The following ABCC4 variants were observed in gnomAD, a reference collection of about 807,000 sequenced individuals.
ABCC4 encodes the protein ATP binding cassette subfamily C member 4 (PEL blood group), also known as ATP-binding cassette sub-family C member 4.
ABCC4 carries 102 observed loss-of-function variants against 168.5 expected under a neutral mutation model. The ratio of observed to expected loss-of-function variants is 0.61; its 90% confidence interval spans 0.52 to 0.71. The LOEUF (loss-of-function observed/expected upper bound fraction) is 0.71, where lower values mean the gene tolerates loss of function less well. ABCC4 is among the 30% of genes least tolerant of loss of function. The probability of loss-of-function intolerance (pLI) is 0.00; values close to 1 mark genes in which losing one functional copy is unlikely to be tolerated. For missense variants in ABCC4, 1,402 were observed against 1,605.8 expected (o/e 0.87, Z 2.17); for synonymous variants, 617 against 590.7 (o/e 1.04, Z -0.65).
At chr13:95,099,837 G>A (rs2034735033) in intron 20 of ABCC4, among the ~76,000 whole-genome samples, 1 of 152,146 alleles carries the variant, frequency 6.6e-6, no homozygotes, top group African/African-American at 2.4e-5. Flanking sequence ...AAGAAAACAA[G>A]TGAGTCACAA....
At chr13:95,247,129 G>A in intron 2 of ABCC4, 34 bp from the exon 3 acceptor site, 1 of 1,600,024 alleles carries the variant, frequency 6.2e-7, no homozygotes. Context: ...AAATAAGAGT[G>A]AACCCTGCCA....
intron 3 of ABCC4, among the ~76,000 whole-genome samples, chr13:95,245,105 C>T (rs4148445): frequency 0.9 from 136,982 of 152,202 alleles, 61,768 homozygotes; most frequent in African/African-American, 0.93. Flanking sequence ...CCAAATCTCA[C>T]TGTAGTCCAG....
intron 1 of ABCC4, among the ~76,000 whole-genome samples, chr13:95,250,404 C>A (rs1266482738): frequency 6.6e-6 from 1 of 152,084 alleles, no homozygotes; most frequent in Non-Finnish European, 1.5e-5. Flanking sequence ...ATTTGGAATC[C>A]CCATTATGCC....
chr13:95,036,264 G>A (rs1368623165), intron 29 of ABCC4, among the ~76,000 whole-genome samples: 1 of 152,146 alleles, frequency 6.6e-6, no homozygotes, highest in Non-Finnish European at 1.5e-5. Flanking sequence ...GTCTGCAAAA[G>A]CAACAAGTAA....
At position 95,196,709 on chromosome 13, in the gene ABCC4, GAAGGAAGGAAGGAAGGAAGGAAGA is replaced by G. The variant is rs2038460861; in HGVS notation, c.1162-1796_1162-1773del. Reference sequence around the variant, plus strand: ...GGAAGGAAGGAAGGAAGGAAGGAAGGAAGGAAGGAAGGAAGGAAGGAAGAAGGGAGGGAGGGAAGGAAGGAAAGA... The same window carrying G: ...GGAAGGAAGGAAGGAAGGAAGGAAGGAGGGAGGGAGGGAAGGAAGGAAAGA... On this transcript the variant is annotated intron_variant, in intron 8 of 30. Transcript: ENST00000645237. Among the ~76,000 whole-genome samples the G allele has an allele frequency of 3.1e-5, 3 of 95,850 alleles. 1 individual carries two copies. The highest frequency in any genetic ancestry group is 1.0e-4 in the African/African-American group (3 of 30,026). 62.9% of individuals were successfully genotyped at this position (95,850 alleles called of 152,430 possible). A position where few individuals can be genotyped will look rare whatever the true frequency, so the allele number is the denominator to read the frequency against.
intron 19 of ABCC4, among the ~76,000 whole-genome samples, chr13:95,157,102 A>ACACACACACACACT (rs1389711194): frequency 3.4e-5 from 5 of 146,970 alleles, no homozygotes; most frequent in African/African-American, 1.3e-4. Flanking sequence ...ACACACACAC[A>ACACACACACACACT]CACACACACA....
chr13:95,028,389 G>A (rs2031649067), intron 30 of ABCC4, among the ~76,000 whole-genome samples: 1 of 152,060 alleles, frequency 6.6e-6, no homozygotes, highest in African/African-American at 2.4e-5. Flanking sequence ...ATTCCAAATG[G>A]ATAGAAAGGA....
chr13:95,179,285 G>C (rs912167314), intron 11 of ABCC4, among the ~76,000 whole-genome samples: 4 of 151,950 alleles, frequency 2.6e-5, no homozygotes, highest in Non-Finnish European at 5.9e-5. Context: ...ACAATAGACT[G>C]ACAGAAAAAA....
chr13:95,163,090 C>T (rs952731449), intron 18 of ABCC4, 32 bp downstream of exon 18: 3 of 1,504,596 alleles, frequency 2.0e-6, no homozygotes, highest in South Asian at 2.3e-5. Flanking sequence ...ACCTCAGCCT[C>T]TCATACAATA....
At chr13:95,061,898 T>C (rs73557725) in intron 26 of ABCC4, among the ~76,000 whole-genome samples, 3,935 of 152,240 alleles carry the variant, frequency 0.026, 188 homozygotes, top group African/African-American at 0.089. Context: ...TCTGAATTTA[T>C]GTTAAATATG....
chr13:95,174,065 C>G (rs1297364861), intron 13 of ABCC4, among the ~76,000 whole-genome samples: 1 of 152,218 alleles, frequency 6.6e-6, no homozygotes, highest in Non-Finnish European at 1.5e-5. Context: ...AGGTAGGCAA[C>G]AGTGTGGGAG....
chr13:95,150,397 G>A lies in ABCC4; in HGVS notation c.2455+10792C>T, dbSNP rs115076831. 8.9e-3 allele frequency among the ~76,000 whole-genome samples: 1,359 copies of A among 152,230 alleles called. 28 individuals carry two copies. The highest frequency in any genetic ancestry group is 0.03 in the African/African-American group (1,253 of 41,544). On this transcript the variant is annotated intron_variant, in intron 19 of 30. Coordinates refer to ENST00000645237, the MANE Select transcript of ABCC4 (RefSeq NM_005845.5). ...TGATATAATCTATTAAAATGCAAAT[G>A]CAAACAAGACATGAAAGGAAAATGT...
intron 20 of ABCC4, among the ~76,000 whole-genome samples, chr13:95,086,087 T>TTGTGTGTGTGTGTGTGTGTG (rs55973195): frequency 9.9e-4 from 140 of 142,086 alleles, no homozygotes; most frequent in African/African-American, 2.7e-3. Flanking sequence ...TTTAAGGTTA[T>TTGTGTGTGTGTGTGTGTGTG]TGTGTGTGTG....
At chr13:95,062,574 A>G in intron 26 of ABCC4, 130 bp downstream of exon 26, 1 of 821,814 alleles carries the variant, frequency 1.2e-6, no homozygotes, top group South Asian at 1.9e-5. Flanking sequence ...ATCTGCTCAT[A>G]AAAACATGCT....
chr13:95,267,319 TG>T (rs2040711505), intron 1 of ABCC4, among the ~76,000 whole-genome samples: 2 of 151,878 alleles, frequency 1.3e-5, no homozygotes, highest in Admixed American at 1.3e-4. Flanking sequence ...CGAGATCTGC[TG>T]GTTTTATAAA....
At chr13:95,157,418 C>A (rs140579918) in intron 19 of ABCC4, among the ~76,000 whole-genome samples, 2 of 151,480 alleles carry the variant, frequency 1.3e-5, no homozygotes, top group East Asian at 3.9e-4. Context: ...ATTGCTTGAA[C>A]CCAAGAGGTG....
chr13:95,234,961 G>A, intron 3 of ABCC4, 127 bp from the exon 4 acceptor site: 1 of 696,582 alleles, frequency 1.4e-6, no homozygotes. Flanking sequence ...CACAATCCCA[G>A]CTCACAGCAG....
chr13:95,134,602 C>T (rs1012124807), intron 19 of ABCC4, among the ~76,000 whole-genome samples: 3 of 152,078 alleles, frequency 2.0e-5, no homozygotes, highest in African/African-American at 7.2e-5. Flanking sequence ...CACCTGTAAT[C>T]CCAGCTACTT....
rs540167304 is a variant in ABCC4, at chr13:95,174,691, G to A, written c.1727+3016C>T. Among the ~76,000 whole-genome samples, 6 of 152,294 alleles carry A rather than the reference G, an allele frequency of 3.9e-5. No homozygotes were observed. In the South Asian group the frequency reaches 6.2e-4, roughly 16 times the overall value. ...TCCTTCCCCGCGGCGACTCTAAACA[G>A]CGTCCCACCGGGAATTGTTGTTTGA... On this transcript the variant is annotated intron_variant, in intron 13 of 30. Transcript: ENST00000645237.
Sources: gnomAD v4.1 joint callset for allele counts (sites outside exome capture counted in the v4.1 genomes callset) on GRCh38, gnomAD v4.1.1 for gene constraint, MANE v1.5 for transcripts, NCBI Gene and HGNC (gene_info 2026-07-23, HGNC 2026-07-21) for gene names.